The following DACH1 variants were observed in gnomAD, a reference collection of about 807,000 sequenced individuals.
The protein encoded by DACH1 is dachshund homolog 1.
In DACH1, 12 loss-of-function variants were observed where a neutral mutation model predicts 54.2. That is an observed-to-expected ratio of 0.22 (90% CI 0.14 to 0.36). The LOEUF is 0.36. Among genes scored for constraint, DACH1 ranks in the 10% least tolerant of loss-of-function variants. The pLI, the probability that DACH1 is intolerant of heterozygous loss-of-function variation, is 1.00. For synonymous variants in DACH1, 386 were observed against 366.2 expected, an observed-to-expected ratio of 1.05 and a Z score of -0.62; for missense variants, 805 against 929.8, an observed-to-expected ratio of 0.87 and a Z score of 1.75.
At chr13:71,708,133 T>G (rs1017930879) in intron 1 of DACH1, among the ~76,000 whole-genome samples, 2 of 147,078 alleles carry the variant, frequency 1.4e-5, no homozygotes, top group African/African-American at 5.0e-5. Flanking sequence ...AAAAAAAAAG[T>G]AAAAACAAAA....
chr13:71,583,912 T>C (rs1157278993), intron 3 of DACH1, among the ~76,000 whole-genome samples: 1 of 152,176 alleles, frequency 6.6e-6, no homozygotes, highest in Non-Finnish European at 1.5e-5. Context: ...AAAAATATTC[T>C]CCATTGTAAA....
chr13:71,613,302 G>A (rs1432084715), intron 3 of DACH1, among the ~76,000 whole-genome samples: 1 of 152,160 alleles, frequency 6.6e-6, no homozygotes, highest in East Asian at 1.9e-4. Context: ...AATGAAAAGG[G>A]GAAGAATAAC....
At chr13:71,860,331 C>T (rs1424403318) in intron 1 of DACH1, among the ~76,000 whole-genome samples, 1 of 151,610 alleles carries the variant, frequency 6.6e-6, no homozygotes, top group Non-Finnish European at 1.5e-5. Context: ...TAAGGTCATT[C>T]TATTTTTATA....
intron 1 of DACH1, among the ~76,000 whole-genome samples, chr13:71,828,910 C>A (rs544036800): frequency 1.1e-3 from 172 of 151,898 alleles, no homozygotes; most frequent in Non-Finnish European, 3.8e-4. Context: ...ACTCACTAAA[C>A]CCCCTTTCTA....
At chr13:71,749,360 T>G (rs1470215386) in intron 1 of DACH1, among the ~76,000 whole-genome samples, 1 of 152,102 alleles carries the variant, frequency 6.6e-6, no homozygotes, top group African/African-American at 2.4e-5. Flanking sequence ...TTAATTTGCC[T>G]AAAAATATCC....
At chr13:71,518,726 G>A (rs1278048194) in intron 6 of DACH1, among the ~76,000 whole-genome samples, 1 of 151,660 alleles carries the variant, frequency 6.6e-6, no homozygotes, top group Non-Finnish European at 1.5e-5. Context: ...GCTGACAGGG[G>A]TGACTGAAAT....
chr13:71,444,492 C>T (rs1463886893), intron 10 of DACH1, among the ~76,000 whole-genome samples: 1 of 152,046 alleles, frequency 6.6e-6, no homozygotes, highest in Non-Finnish European at 1.5e-5. Flanking sequence ...ATTCAAATTT[C>T]ATTAACCTAA....
At chr13:71,768,817 T>C (rs901792292) in intron 1 of DACH1, among the ~76,000 whole-genome samples, 1 of 151,902 alleles carries the variant, frequency 6.6e-6, no homozygotes, top group African/African-American at 2.4e-5. Flanking sequence ...ATTTTTAACA[T>C]CATAATTTGC....
intron 3 of DACH1, among the ~76,000 whole-genome samples, chr13:71,574,991 T>C (rs1190482030): frequency 2.6e-5 from 4 of 152,144 alleles, no homozygotes; most frequent in Admixed American, 2.6e-4. Context: ...ATTTTTCAAA[T>C]GTATGATATC....
In DACH1 at chr13:71,512,140, C is replaced by A. The variant is rs140184773; in HGVS notation, c.1571-22992G>T. Among the ~76,000 whole-genome samples, 897 of 151,986 alleles carry A rather than the reference C, an allele frequency of 5.9e-3. 10 individuals are homozygous for A. Among genetic ancestry groups the A allele is most frequent in the Non-Finnish European group, 9.5e-3 (644 of 67,894 alleles). ...AACCCAACTTTCCATGGTCAAGCAT[C>A]CCCTAATGCATTCAAATACCAATTT... On this transcript the variant is annotated intron_variant, in intron 6 of 10. Transcript: ENST00000613252.
intron 1 of DACH1, among the ~76,000 whole-genome samples, chr13:71,731,272 CCTTGGTTT>C (rs553502600): frequency 2.8e-3 from 422 of 151,186 alleles, no homozygotes; most frequent in Non-Finnish European, 4.5e-3. Context: ...CTTCTCTTTT[CCTTGGTTT>C]CTTGATCTTC....
chr13:71,718,916 TA>T (rs1883107579), intron 1 of DACH1, among the ~76,000 whole-genome samples: 1 of 152,212 alleles, frequency 6.6e-6, no homozygotes, highest in Non-Finnish European at 1.5e-5. Flanking sequence ...TAAACCATCC[TA>T]CCCATTGCTT....
At chr13:71,795,062 CAT>C (rs1467706163) in intron 1 of DACH1, among the ~76,000 whole-genome samples, 3 of 152,010 alleles carry the variant, frequency 2.0e-5, no homozygotes, top group Non-Finnish European at 4.4e-5. Flanking sequence ...TACTGAGTAA[CAT>C]AAATAAGAGT....
intron 3 of DACH1, among the ~76,000 whole-genome samples, chr13:71,624,062 A>T (rs1325092788): frequency 6.6e-6 from 1 of 151,968 alleles, no homozygotes; most frequent in Non-Finnish European, 1.5e-5. Context: ...TTTAAAATAC[A>T]TAATGAAGAA....
intron 1 of DACH1, among the ~76,000 whole-genome samples, chr13:71,755,376 T>G (rs1204938638): frequency 2.0e-5 from 3 of 152,168 alleles, no homozygotes; most frequent in African/African-American, 7.2e-5. Context: ...TTCACAGAAC[T>G]CTCTTTCAAG....
chr13:71,830,764 T>C (rs1340909478), intron 1 of DACH1, among the ~76,000 whole-genome samples: 1 of 151,828 alleles, frequency 6.6e-6, no homozygotes, highest in Non-Finnish European at 1.5e-5. Context: ...TTATGCCTAA[T>C]AAAAAAGGAA....
chr13:71,506,382 C>T (rs984061973), intron 6 of DACH1, among the ~76,000 whole-genome samples: 14 of 146,704 alleles, frequency 9.5e-5, no homozygotes, highest in East Asian at 2.0e-4. Flanking sequence ...TGAGAATATG[C>T]GGTGTTTGGT....
intron 10 of DACH1, among the ~76,000 whole-genome samples, chr13:71,465,688 C>A (rs1876506745): frequency 6.6e-6 from 1 of 151,794 alleles, no homozygotes. Context: ...AAACTCAAAG[C>A]AAAACCTTAT....
intron 1 of DACH1, among the ~76,000 whole-genome samples, chr13:71,831,992 C>G (rs1407953522): frequency 6.6e-6 from 1 of 151,918 alleles, no homozygotes; most frequent in African/African-American, 2.4e-5. Flanking sequence ...TTTGAGGTCA[C>G]TATCTGTTTC....
Sources: gnomAD v4.1 joint callset for allele counts (sites outside exome capture counted in the v4.1 genomes callset) on GRCh38, gnomAD v4.1.1 for gene constraint, MANE v1.5 for transcripts, NCBI Gene and HGNC (gene_info 2026-07-23, HGNC 2026-07-21) for gene names.